The following LRRC7 variants were observed in gnomAD, a reference collection of about 807,000 sequenced individuals.
LRRC7 encodes leucine rich repeat containing 7.
In LRRC7, 23 loss-of-function variants were observed where a neutral mutation model predicts 175.7. The observed-to-expected ratio is 0.13, with a 90% CI of 0.09 to 0.19. The LOEUF is 0.19. LRRC7 is among the 10% of genes least tolerant of loss of function. The probability of loss-of-function intolerance (pLI) is 1.00; values close to 1 mark genes in which losing one functional copy is unlikely to be tolerated. For missense variants in LRRC7, 1,354 were observed against 1,904.7 expected (o/e 0.71, Z 5.38); for synonymous variants, 685 against 680.9 (o/e 1.01, Z -0.09).
chr1:69,626,173 T>C (rs888473681), intron 1 of LRRC7, among the ~76,000 whole-genome samples: 1 of 152,168 alleles, frequency 6.6e-6, no homozygotes, highest in Non-Finnish European at 1.5e-5. Flanking sequence ...CATTCTTATT[T>C]CTAGGGTGTA....
intron 24 of LRRC7, 73 bp from the exon 25 acceptor site, chr1:70,089,654 C>G: frequency 9.8e-7 from 1 of 1,019,690 alleles, no homozygotes; most frequent in East Asian, 2.6e-5. Context: ...ATCTTTTCTA[C>G]TGAAATACAG....
intron 3 of LRRC7, among the ~76,000 whole-genome samples, chr1:69,768,280 C>A (rs1265764652): frequency 2.6e-5 from 4 of 152,168 alleles, no homozygotes; most frequent in Non-Finnish European, 5.9e-5. Context: ...GCAGTTTGGC[C>A]ACATGAATGC....
At chr1:69,875,349 A>G (rs1171208959) in intron 7 of LRRC7, among the ~76,000 whole-genome samples, 6 of 152,096 alleles carry the variant, frequency 3.9e-5, no homozygotes, top group Admixed American at 3.9e-4. Context: ...TCGATAATAT[A>G]TAACAATTGA....
intron 1 of LRRC7, among the ~76,000 whole-genome samples, chr1:69,627,171 C>A (rs1651722704): frequency 6.6e-6 from 1 of 152,118 alleles, no homozygotes; most frequent in Non-Finnish European, 1.5e-5. Flanking sequence ...AATGGTTGAA[C>A]TAGTTTACAG....
chr1:69,649,426 C>T (rs139944325), intron 1 of LRRC7, among the ~76,000 whole-genome samples: 8 of 152,012 alleles, frequency 5.3e-5, no homozygotes, highest in East Asian at 3.9e-4. Flanking sequence ...TACAGTACTA[C>T]GGAAGAAAGG....
intron 1 of LRRC7, among the ~76,000 whole-genome samples, chr1:69,643,382 G>A (rs1365241942): frequency 6.6e-6 from 1 of 152,076 alleles, no homozygotes; most frequent in Non-Finnish European, 1.5e-5. Context: ...TAAAAAAAGA[G>A]TGCTTGTACA....
intron 1 of LRRC7, among the ~76,000 whole-genome samples, chr1:69,674,178 A>ACTTT (rs1659479406): frequency 6.6e-6 from 1 of 152,114 alleles, no homozygotes; most frequent in Non-Finnish European, 1.5e-5. Flanking sequence ...TGTTAATGAT[A>ACTTT]ATTTTACCAG....
intron 7 of LRRC7, among the ~76,000 whole-genome samples, chr1:69,903,929 G>A (rs530307524): frequency 4.0e-4 from 61 of 152,078 alleles, no homozygotes; most frequent in South Asian, 1.2e-3. Flanking sequence ...TCCTGGATAC[G>A]TACACCCTCC....
At chr1:69,982,577 G>C (rs1653546037) in intron 9 of LRRC7, among the ~76,000 whole-genome samples, 1 of 152,102 alleles carries the variant, frequency 6.6e-6, no homozygotes, top group Non-Finnish European at 1.5e-5. Context: ...AATAGTCTGG[G>C]CTATTATTTT....
At chr1:69,995,571 G>A (rs12022309) in intron 11 of LRRC7, among the ~76,000 whole-genome samples, 9,862 of 113,408 alleles carry the variant, frequency 0.087, 360 homozygotes, top group African/African-American at 0.14. Flanking sequence ...ACCCCACAAT[G>A]GTCCCCAGAG....
At chr1:69,617,547 T>TAAAAAAACAAAAAAAAAAAAAAAAAA (rs1649834744) in intron 1 of LRRC7, among the ~76,000 whole-genome samples, 1 of 62,008 alleles carries the variant, frequency 1.6e-5, no homozygotes, top group Non-Finnish European at 3.0e-5. Flanking sequence ...ATACTCACAG[T>TAAAAAAACAAAAAAAAAAAAAAAAAA]AAAAAAAAAA....
chr1:69,838,143 A>G, intron 6 of LRRC7, 84 bp from the exon 7 acceptor site: 2 of 851,806 alleles, frequency 2.3e-6, no homozygotes, highest in Non-Finnish European at 2.0e-6. Context: ...TAGTAACCCT[A>G]TAGTGCTACC....
At chr1:69,927,092 T>G (rs1647101502) in intron 7 of LRRC7, among the ~76,000 whole-genome samples, 1 of 152,194 alleles carries the variant, frequency 6.6e-6, no homozygotes, top group Non-Finnish European at 1.5e-5. Context: ...GATATGAAAT[T>G]GTGGGTTGAA....
Position 70,136,620 on chromosome 1 carries a change from G to A in LRRC7, c.*14733G>A, listed in dbSNP as rs1244922204. ...CAAAAAGTCTAATAAATGCTATCGT[G>A]TAGGTACAAAATATGAGGAAAGAAC... On this transcript the variant is annotated 3_prime_UTR_variant, in exon 27 of 27. Coordinates refer to ENST00000651989, the MANE Select transcript of LRRC7 (RefSeq NM_001370785.2). Among the ~76,000 whole-genome samples, 1 of 151,268 alleles carries A rather than the reference G, an allele frequency of 6.6e-6. No individual in the cohort carries two copies. The highest frequency in any genetic ancestry group is 1.5e-5 in the Non-Finnish European group (1 of 67,860).
chr1:70,051,941 T>C (rs1244882149), intron 22 of LRRC7, among the ~76,000 whole-genome samples: 1 of 152,100 alleles, frequency 6.6e-6, no homozygotes, highest in Non-Finnish European at 1.5e-5. Flanking sequence ...ATTTTTAACA[T>C]GTTTTGATGA....
At chr1:69,903,497 C>T (rs566199214) in intron 7 of LRRC7, among the ~76,000 whole-genome samples, 7 of 152,260 alleles carry the variant, frequency 4.6e-5, no homozygotes, top group African/African-American at 1.7e-4. Context: ...CAGTAGATTC[C>T]ATCAGGTGCC....
intron 1 of LRRC7, among the ~76,000 whole-genome samples, chr1:69,579,198 A>G (rs1646092886): frequency 2.6e-5 from 4 of 152,096 alleles, no homozygotes; most frequent in Admixed American, 2.6e-4. Context: ...GGAGGTAACA[A>G]AAAAACCCTA....
intron 12 of LRRC7, 37 bp downstream of exon 12, chr1:70,011,963 A>T: frequency 6.7e-7 from 1 of 1,499,410 alleles, no homozygotes; most frequent in East Asian, 2.3e-5. Flanking sequence ...ATTAACTTTT[A>T]ATTAATCTGT....
chr1:69,589,436 A>T (rs911005317), intron 1 of LRRC7, among the ~76,000 whole-genome samples: 1 of 152,096 alleles, frequency 6.6e-6, no homozygotes, highest in Non-Finnish European at 1.5e-5. Flanking sequence ...AGACGCGTTC[A>T]TGTCTCACTA....
Sources: allele counts gnomAD v4.1 joint callset (sites outside exome capture counted in the v4.1 genomes callset), GRCh38; gene constraint gnomAD v4.1.1; transcripts MANE v1.5; gene names NCBI Gene and HGNC (gene_info 2026-07-23, HGNC 2026-07-21).